RBM33: variants seen among roughly 807,000 people sequenced by gnomAD.
RBM33 encodes RNA-binding protein 33.
Under a neutral mutation model 132.6 loss-of-function variants are expected in RBM33, and 28 were observed. That is an observed-to-expected ratio of 0.21 (90% confidence interval 0.16 to 0.29). The LOEUF is 0.29. Ranked by LOEUF, RBM33 falls within the 10% of genes least tolerant of loss-of-function variation. The pLI, the probability that RBM33 is intolerant of heterozygous loss-of-function variation, is 1.00. For synonymous variants in RBM33, 634 were observed against 593.0 expected, an observed-to-expected ratio of 1.07 and a Z score of -1.01; for missense variants, 1,291 against 1,518.5, an observed-to-expected ratio of 0.85 and a Z score of 2.49.
At chr7:155,691,564 A>G (rs182956740) in intron 5 of RBM33, among the ~76,000 whole-genome samples, 8 of 151,658 alleles carry the variant, frequency 5.3e-5, no homozygotes, top group Admixed American at 2.6e-4. Flanking sequence ...CATATCTTAA[A>G]ATAGGGAAAG....
intron 6 of RBM33, among the ~76,000 whole-genome samples, chr7:155,704,331 G>C (rs906995387): frequency 3.9e-5 from 6 of 152,306 alleles, no homozygotes; most frequent in African/African-American, 9.6e-5. Context: ...TTGAGTGACA[G>C]TGTTCTCGGT....
intron 3 of RBM33, among the ~76,000 whole-genome samples, chr7:155,675,094 G>A (rs1362100103): frequency 6.6e-6 from 1 of 152,048 alleles, no homozygotes; most frequent in Non-Finnish European, 1.5e-5. Flanking sequence ...ACCACTTGAG[G>A]TCAGGAGTTG....
intron 3 of RBM33, among the ~76,000 whole-genome samples, chr7:155,677,975 A>T (rs1301797471): frequency 6.6e-6 from 1 of 152,070 alleles, no homozygotes; most frequent in Non-Finnish European, 1.5e-5. Flanking sequence ...CACCCCCCCA[A>T]CCTAATCTAA....
At chr7:155,717,118 A>C (rs977834532) in intron 8 of RBM33, among the ~76,000 whole-genome samples, 3 of 152,236 alleles carry the variant, frequency 2.0e-5, no homozygotes, top group Non-Finnish European at 4.4e-5. Flanking sequence ...CATTTAGCAG[A>C]AACTTCTTAA....
intron 15 of RBM33, among the ~76,000 whole-genome samples, chr7:155,766,242 C>T (rs555783386): frequency 3.3e-5 from 5 of 152,214 alleles, no homozygotes; most frequent in South Asian, 2.1e-4. Context: ...GTGCAGGCTT[C>T]GTCAGCTCCC....
At chr7:155,750,326 A>G (rs1487247884) in intron 14 of RBM33, among the ~76,000 whole-genome samples, 1 of 152,052 alleles carries the variant, frequency 6.6e-6, no homozygotes, top group Non-Finnish European at 1.5e-5. Context: ...AATTCAAGTA[A>G]TAACAGCAAA....
intron 2 of RBM33, 44 bp from the exon 3 acceptor site, chr7:155,672,823 C>A: frequency 7.1e-7 from 1 of 1,416,124 alleles, no homozygotes; most frequent in Non-Finnish European, 9.7e-7. Context: ...ACTTGCAAGT[C>A]TTATGGGAAT....
chr7:155,672,875 A>C lies in RBM33; in HGVS notation c.131A>C (p.Glu44Ala), dbSNP rs1033077344. The stretch of plus-strand genomic sequence containing the variant: ...CTTTTTTTTCTCCCAAGTGAACTTG[A>C]AGATGATTTACTTGGAGAAGATTTG... ...AADEDWDSEL[E>A]DDLLGEDLLS... Residue 44 changes from glutamate to alanine, a missense_variant, in exon 3 of 18, where the codon GAA becomes GCA. Glu to Ala is a moderately radical substitution (Grantham distance 107, BLOSUM62 -1). Coordinates refer to ENST00000401878, the MANE Select transcript of RBM33 (RefSeq NM_053043.3). The C allele has an allele frequency of 6.5e-7, 1 of 1,549,056 alleles. No individual in the cohort carries two copies. Among genetic ancestry groups the C allele is most frequent in the Non-Finnish European group, 8.7e-7 (1 of 1,145,152 alleles).
chr7:155,681,177 G>A (rs1799328218), intron 5 of RBM33, among the ~76,000 whole-genome samples: 1 of 152,246 alleles, frequency 6.6e-6, no homozygotes, highest in Admixed American at 6.5e-5. Context: ...GCTTTGTGTG[G>A]TGGGGATACA....
In RBM33 at chr7:155,780,748, G is replaced by A. The variant is rs1802791512; in HGVS notation, c.*5707G>A. The A allele has an allele frequency of 6.6e-6, 1 of 152,196 alleles. No individual in the cohort carries two copies. The highest frequency in any genetic ancestry group is 2.1e-4 in the South Asian group (1 of 4,816). 9.4% of individuals were successfully genotyped at this position (152,196 alleles called of 1,614,324 possible). ...TTGAGAACTCCACGTGGGCTGGGTG[G>A]GAAGGTGCTGACGATTTTCACACTG... On this transcript the variant is annotated 3_prime_UTR_variant, in exon 18 of 18. Coordinates refer to ENST00000401878, the MANE Select transcript of RBM33 (RefSeq NM_053043.3).
chr7:155,757,411 T>C (rs1009435242), intron 14 of RBM33, among the ~76,000 whole-genome samples: 5 of 152,372 alleles, frequency 3.3e-5, no homozygotes, highest in Middle Eastern at 3.4e-3. Flanking sequence ...CTTTTACTTA[T>C]GTTCAAGCCT....
Position 155,755,689 on chromosome 7 carries a change from T to C in RBM33, c.2980-8123T>C, listed in dbSNP as rs1354513704. Among the ~76,000 whole-genome samples the C allele has an allele frequency of 2.0e-5, 3 of 152,192 alleles. No homozygotes were observed. The East Asian group carries it at 5.8e-4, about 29-fold the overall frequency. ...TCAGTGATAGCACTTCTTCATGGGG[T>C]TTAAGAGTGAAAATAAGATTTGATC... is the stretch of plus-strand genomic sequence containing the variant. On this transcript the variant is annotated intron_variant, in intron 14 of 17. Transcript: ENST00000401878.
chr7:155,734,284 A>G (rs1210163075), intron 9 of RBM33, among the ~76,000 whole-genome samples: 1 of 152,196 alleles, frequency 6.6e-6, no homozygotes, highest in East Asian at 1.9e-4. Flanking sequence ...GGAGAGTGTT[A>G]GAAACCTCCT....
At chr7:155,677,229 T>C (rs1318618938) in intron 3 of RBM33, among the ~76,000 whole-genome samples, 7 of 151,840 alleles carry the variant, frequency 4.6e-5, no homozygotes, top group Non-Finnish European at 1.0e-4. Context: ...TTCTTTTTTT[T>C]TTTTTTTGAG....
chr7:155,668,982 C>A (rs565636827), intron 2 of RBM33, among the ~76,000 whole-genome samples: 1 of 152,208 alleles, frequency 6.6e-6, no homozygotes, highest in Non-Finnish European at 1.5e-5. Flanking sequence ...TGAGACGGTT[C>A]TAGGTTTTAT....
Position 155,779,435 on chromosome 7 carries a change from A to G in RBM33, c.*4394A>G, listed in dbSNP as rs1278574915. On this transcript the variant is annotated 3_prime_UTR_variant, in exon 18 of 18. Coordinates refer to ENST00000401878, the MANE Select transcript of RBM33 (RefSeq NM_053043.3). ...CTTTAGTGTATTTAAAGAGCATTTCAGTTAACTTTTTCAGCTATTTTTAAA... is the reference window on the plus strand; with the variant it reads ...CTTTAGTGTATTTAAAGAGCATTTCGGTTAACTTTTTCAGCTATTTTTAAA... 6.6e-6 allele frequency: 1 copy of G among 152,210 alleles called. No individual in the cohort carries two copies. Among genetic ancestry groups the G allele is most frequent in the Non-Finnish European group, 1.5e-5 (1 of 68,036 alleles). 9.4% of individuals were successfully genotyped at this position (152,210 alleles called of 1,614,324 possible). A position where few individuals can be genotyped will look rare whatever the true frequency, so the allele number is the denominator to read the frequency against.
At chr7:155,707,588 A>G (rs1317203842) in intron 7 of RBM33, among the ~76,000 whole-genome samples, 1 of 152,176 alleles carries the variant, frequency 6.6e-6, no homozygotes, top group African/African-American at 2.4e-5. Context: ...TGTAATTTCA[A>G]TTAGAATTTC....
chr7:155,726,288 C>A (rs1166676552), intron 9 of RBM33, among the ~76,000 whole-genome samples: 3 of 151,752 alleles, frequency 2.0e-5, no homozygotes, highest in Non-Finnish European at 4.4e-5. Flanking sequence ...CACATAATAG[C>A]TGTTAGTGCC....
chr7:155,775,390 C>T lies in RBM33; in HGVS notation c.*349C>T, dbSNP rs987506361. 7.1e-6 allele frequency: 3 copies of T among 424,350 alleles called. No individual in the cohort carries two copies. Among genetic ancestry groups the T allele is most frequent in the Non-Finnish European group, 1.3e-5 (3 of 226,866 alleles). The allele number at this position is 424,350 out of a possible 1,614,324, so 26.3% of individuals were successfully genotyped here. A position where few individuals can be genotyped will look rare whatever the true frequency, so the allele number is the denominator to read the frequency against. ...ACAGTGACTTAGATTCAGGAAAGAA[C>T]ATTAACGTCACAAGTTCTAAGTAGT... On this transcript the variant is annotated 3_prime_UTR_variant, in exon 18 of 18. Transcript: ENST00000401878.
Sources: gnomAD v4.1 joint callset for allele counts (sites outside exome capture counted in the v4.1 genomes callset) on GRCh38, gnomAD v4.1.1 for gene constraint, MANE v1.5 for transcripts, NCBI Gene and HGNC (gene_info 2026-07-23, HGNC 2026-07-21) for gene names.